TRIM34: variants seen among roughly 807,000 people sequenced by gnomAD.
TRIM34 encodes the protein E3 ubiquitin-protein ligase TRIM34.
A neutral mutation model predicts 38.1 loss-of-function variants in TRIM34; 41 were observed. The ratio of observed to expected loss-of-function variants is 1.08; its 90% CI spans 0.84 to 1.40. The LOEUF (loss-of-function observed/expected upper bound fraction) is 1.40. Among genes scored for constraint, TRIM34 ranks in the 40% most tolerant of loss-of-function variants. The pLI, the probability that TRIM34 is intolerant of heterozygous loss-of-function variation, is 0.00. For missense variants in TRIM34, 556 were observed against 571.4 expected (o/e 0.97, Z 0.27); for synonymous variants, 200 against 202.5 (o/e 0.99, Z 0.10).
In TRIM34 at chr11:5,643,641, C is replaced by G; in HGVS notation, c.1399C>G (p.Pro467Ala). Residue 467 changes from proline (P) to alanine (A), a missense_variant, in exon 8 of 8, where the codon CCT (proline) becomes GCT (alanine). Coordinates refer to ENST00000429814, the MANE Select transcript of TRIM34 (RefSeq NM_021616.6). ...GTTCTCTAAATGTTGCTTTTCTCAG[C>G]CTGTTTATCCATATTTCAATCCTTG... is the stretch of plus-strand genomic sequence containing the variant. Reference protein sequence around the residue: ...YKFSKCCFSQPVYPYFNPWNC... With the variant: ...YKFSKCCFSQAVYPYFNPWNC... 1.2e-6 allele frequency: 2 copies of G among 1,614,072 alleles called. No individual in the cohort carries two copies. The highest frequency in any genetic ancestry group is 8.5e-7 in the Non-Finnish European group (1 of 1,179,988).
rs772325440 is a variant in TRIM34, at chr11:5,632,262, G to GAA, written c.-70_-69insAA. 27 of 1,604,768 alleles carry GAA rather than the reference G, an allele frequency of 1.7e-5. No individual in the cohort carries two copies. The East Asian group carries it at 4.0e-4, about 24-fold the overall frequency. On this transcript the variant is annotated 5_prime_UTR_variant, in exon 2 of 8. Coordinates refer to ENST00000429814, the MANE Select transcript of TRIM34 (RefSeq NM_021616.6). ...CCCTTTCAATCTTCTCAGCCATCCA[G>GAA]GGGTCTTTAACCAGAAGAGAGAGGA...
At position 5,634,492 on chromosome 11, in the gene TRIM34, T is replaced by TACACACACAC. The variant is rs3060967; in HGVS notation, c.520-109_520-100dup. On this transcript the variant is annotated intron_variant, in intron 3 of 7. Coordinates refer to ENST00000429814, the MANE Select transcript of TRIM34 (RefSeq NM_021616.6). ...AATATATATATACAGATAATATAAA[T>TACACACACAC]ACACACACACACACACACACACACA... 7.3e-4 allele frequency: 166 copies of TACACACACAC among 228,020 alleles called. 1 individual carries two copies. Among genetic ancestry groups the TACACACACAC allele is most frequent in the East Asian group, 7.1e-3 (77 of 10,908 alleles). The allele number at this position is 228,020 out of a possible 1,614,324, so 14.1% of individuals were successfully genotyped here.
In TRIM34 at chr11:5,643,567, G is replaced by T; in HGVS notation, c.1325G>T (p.Gly442Val). ...GGGGTTTTCCTCGACTATGAAGCAG[G>T]CATTGTCTCATTTTTCAATGTCACA... ...RVGVFLDYEA[G>V]IVSFFNVTSH... Residue 442 changes from glycine to valine, a missense_variant, in exon 8 of 8, where the codon GGC becomes GTC. By Grantham distance (109) the Gly-to-Val change is moderately radical. Coordinates refer to ENST00000429814, the MANE Select transcript of TRIM34 (RefSeq NM_021616.6). The T allele has an allele frequency of 6.2e-7, 1 of 1,614,110 alleles. No homozygotes were observed. The highest frequency in any genetic ancestry group is 8.5e-7 in the Non-Finnish European group (1 of 1,180,028).
chr11:5,622,056 T>G (rs1376599583), upstream of TRIM34, among the ~76,000 whole-genome samples: 1 of 152,018 alleles, frequency 6.6e-6, no homozygotes, highest in South Asian at 2.1e-4. Flanking sequence ...ATTTTCGGGG[T>G]TCAGACTAGA....
At chr11:5,629,776 C>T (rs1458822727) in intron 1 of TRIM34, among the ~76,000 whole-genome samples, 2 of 152,146 alleles carry the variant, frequency 1.3e-5, no homozygotes, top group Non-Finnish European at 1.5e-5. Flanking sequence ...GGTGCGATCT[C>T]GGCTCACTGG....
intron 1 of TRIM34, among the ~76,000 whole-genome samples, chr11:5,626,110 C>A (rs770970376): frequency 4.6e-5 from 7 of 152,230 alleles, no homozygotes; most frequent in Non-Finnish European, 8.8e-5. Flanking sequence ...CTGCCTTACT[C>A]CTGGGTAGAA....
At position 5,634,679 on chromosome 11, in the gene TRIM34, C is replaced by T; in HGVS notation, c.568C>T (p.Leu190Phe). 1.2e-6 allele frequency: 2 copies of T among 1,614,016 alleles called. No individual in the cohort carries two copies. ...AAGGATACAAACAGAATTTGATCAG[C>T]TTAGAAGCATCCTAAATAATGAGGA... ...RQRIQTEFDQLRSILNNEEQR... is the reference protein window; with the variant it reads ...RQRIQTEFDQFRSILNNEEQR... Residue 190 changes from leucine (L) to phenylalanine (F), a missense_variant, in exon 4 of 8, where the codon CTT becomes TTT. Leu to Phe is a conservative substitution (Grantham distance 22, BLOSUM62 0). Coordinates refer to ENST00000429814, the MANE Select transcript of TRIM34 (RefSeq NM_021616.6).
At chr11:5,633,559 ATACT>A (rs1403977302) in intron 2 of TRIM34, among the ~76,000 whole-genome samples, 1 of 152,220 alleles carries the variant, frequency 6.6e-6, no homozygotes, top group Non-Finnish European at 1.5e-5. Flanking sequence ...TGCAGGGTAA[ATACT>A]TACTCTAAGG....
chr11:5,632,953 A>C (rs1464174729), intron 2 of TRIM34, among the ~76,000 whole-genome samples, 199 bp downstream of exon 2: 1 of 148,650 alleles, frequency 6.7e-6, no homozygotes, highest in East Asian at 2.0e-4. Flanking sequence ...CAGCCTCCCA[A>C]GTAGCTCGGA....
chr11:5,640,145 T>A (rs2133950738), intron 4 of TRIM34, among the ~76,000 whole-genome samples: 1 of 152,336 alleles, frequency 6.6e-6, no homozygotes, highest in South Asian at 2.1e-4. Flanking sequence ...GACTAGAACC[T>A]CCAATACCAT....
At chr11:5,622,362 G>A (rs1056563781), upstream of TRIM34, among the ~76,000 whole-genome samples, 8 of 151,556 alleles carry the variant, frequency 5.3e-5, no homozygotes, top group East Asian at 3.9e-4. Flanking sequence ...GGAGAATGGC[G>A]TGAACCCGGC....
At chr11:5,633,645 T>C (rs1849588451) in intron 2 of TRIM34, among the ~76,000 whole-genome samples, 159 bp from the exon 3 acceptor site, 2 of 152,240 alleles carry the variant, frequency 1.3e-5, no homozygotes, top group Admixed American at 1.3e-4. Flanking sequence ...TACATTCATC[T>C]CCTCAAAATT....
Position 5,643,303 on chromosome 11 carries a change from A to G in TRIM34, c.1061A>G (p.Asp354Gly). The G allele has an allele frequency of 2.5e-6, 4 of 1,614,050 alleles. No homozygotes were observed. Among genetic ancestry groups the G allele is most frequent in the Non-Finnish European group, 3.4e-6 (4 of 1,179,982 alleles). ...FSSGKHYWEV[D>G]VSKKTAWILG... is the part of the protein sequence containing the mutation. ...TCTGGGAAACATTACTGGGAAGTGG[A>G]CGTGTCCAAGAAAACTGCCTGGATC... is the stretch of plus-strand genomic sequence containing the variant. Residue 354 changes from aspartate to glycine, a missense_variant, in exon 8 of 8, where the codon GAC (aspartate) becomes GGC (glycine). Asp to Gly is a moderately conservative substitution (Grantham distance 94, BLOSUM62 -1). Transcript: ENST00000429814.
intron 5 of TRIM34, among the ~76,000 whole-genome samples, chr11:5,641,700 G>A (rs1182754939): frequency 6.6e-6 from 1 of 152,172 alleles, no homozygotes; most frequent in Non-Finnish European, 1.5e-5. Context: ...CTCTGGTGAT[G>A]ATAATTAATC....
At chr11:5,634,525 AC>A in intron 3 of TRIM34, 105 bp from the exon 4 acceptor site, 6 of 689,908 alleles carry the variant, frequency 8.7e-6, no homozygotes, top group Non-Finnish European at 1.3e-5. Flanking sequence ...ACACACACAC[AC>A]ACACATATAT....
intron 4 of TRIM34, among the ~76,000 whole-genome samples, chr11:5,640,172 G>A (rs994408728): frequency 3.3e-5 from 5 of 152,166 alleles, no homozygotes; most frequent in African/African-American, 1.2e-4. Flanking sequence ...TAGAAGTAGT[G>A]AGAGCAAACA....
At chr11:5,641,057 T>C in intron 4 of TRIM34, 110 bp from the exon 5 acceptor site, 2 of 1,416,668 alleles carry the variant, frequency 1.4e-6, no homozygotes, top group Non-Finnish European at 1.9e-6. Context: ...GACATTTTCA[T>C]ATAACTCACT....
chr11:5,643,483 C>A lies in TRIM34; in HGVS notation c.1241C>A (p.Ser414Tyr). 1.2e-6 allele frequency: 2 copies of A among 1,614,166 alleles called. No homozygotes were observed. Among genetic ancestry groups the A allele is most frequent in the Non-Finnish European group, 1.7e-6 (2 of 1,180,032 alleles). ...NKCKYGVFEE[S>Y]LSSDPEVLTL... The stretch of plus-strand genomic sequence containing the variant: ...TGTAAGTATGGTGTCTTTGAAGAGT[C>A]TTTGTCCTCTGATCCCGAGGTTTTG... Residue 414 changes from serine (S) to tyrosine (Y), a missense_variant, in exon 8 of 8, where the codon TCT becomes TAT. By Grantham distance (144) the Ser-to-Tyr change is moderately radical. Transcript: ENST00000429814.
upstream of TRIM34, among the ~76,000 whole-genome samples, chr11:5,624,667 A>G (rs544826787): frequency 4.1e-4 from 62 of 152,302 alleles, no homozygotes; most frequent in South Asian, 0.011. Context: ...TGTCCCATAC[A>G]TTGTAGAATG....
Sources: gnomAD v4.1 joint callset for allele counts (sites outside exome capture counted in the v4.1 genomes callset) on GRCh38, gnomAD v4.1.1 for gene constraint, MANE v1.5 for transcripts, NCBI Gene and HGNC (gene_info 2026-07-23, HGNC 2026-07-21) for gene names.